PARD3B: variants seen among roughly 807,000 people sequenced by gnomAD.
PARD3B encodes par-3 family cell polarity regulator beta.
PARD3B carries 103 observed loss-of-function variants against 130.2 expected under a neutral mutation model. That is an observed-to-expected ratio of 0.79 (90% CI 0.67 to 0.93). The LOEUF is 0.93. Among genes scored for constraint, PARD3B ranks in the 40% least tolerant of loss-of-function variants. PARD3B has a pLI of 0.00. For synonymous variants in PARD3B, 583 were observed against 553.2 expected (o/e 1.05, Z -0.76); for missense variants, 1,609 against 1,499.2 (o/e 1.07, Z -1.21).
At chr2:204,763,537 A>T (rs376122170) in intron 2 of PARD3B, among the ~76,000 whole-genome samples, 1 of 152,222 alleles carries the variant, frequency 6.6e-6, no homozygotes, top group East Asian at 1.9e-4. Flanking sequence ...GGAAAAATGA[A>T]TATTAAAAAA....
intron 3 of PARD3B, among the ~76,000 whole-genome samples, chr2:205,019,849 G>A (rs1696464595): frequency 6.6e-6 from 1 of 152,158 alleles, no homozygotes; most frequent in Admixed American, 6.6e-5. Context: ...GTTGGTTAGA[G>A]AACTGTCTGA....
chr2:204,824,399 GT>G (rs1448788365), intron 2 of PARD3B, among the ~76,000 whole-genome samples: 2 of 152,148 alleles, frequency 1.3e-5, no homozygotes, highest in Non-Finnish European at 1.5e-5. Context: ...CTGCTTGCTA[GT>G]TCTGGGAACA....
At chr2:204,964,805 TTAATAAAG>T (rs1199357031) in intron 2 of PARD3B, among the ~76,000 whole-genome samples, 3 of 152,148 alleles carry the variant, frequency 2.0e-5, no homozygotes, top group African/African-American at 7.2e-5. Flanking sequence ...GAAGCACTCT[TTAATAAAG>T]AGTTAATGAA....
chr2:205,062,183 C>G (rs968729306), intron 4 of PARD3B, among the ~76,000 whole-genome samples: 7 of 151,986 alleles, frequency 4.6e-5, no homozygotes, highest in African/African-American at 1.7e-4. Flanking sequence ...TACTTCCAAG[C>G]AGAAGTGTAG....
Position 205,458,799 on chromosome 2 carries a change from C to T in PARD3B, c.3044+18127C>T, listed in dbSNP as rs944335872. 6.6e-6 allele frequency among the ~76,000 whole-genome samples: 1 copy of T among 152,096 alleles called. No homozygotes were observed. The highest frequency in any genetic ancestry group is 2.4e-5 in the African/African-American group (1 of 41,400). On this transcript the variant is annotated intron_variant, in intron 20 of 22. Coordinates refer to ENST00000406610, the MANE Select transcript of PARD3B (RefSeq NM_001302769.2). The surrounding 1 kb of genome is among the most constrained non-coding windows in gnomAD (Gnocchi z 4.8). Reference sequence around the variant, plus strand: ...AATGCTAGACACAGTCCTTGAAAAGCTGTAGAAATCTCAGGCTGATGATAC... The same window carrying T: ...AATGCTAGACACAGTCCTTGAAAAGTTGTAGAAATCTCAGGCTGATGATAC...
At chr2:205,384,044 C>T (rs1262509664) in intron 18 of PARD3B, among the ~76,000 whole-genome samples, 1 of 152,086 alleles carries the variant, frequency 6.6e-6, no homozygotes, top group Non-Finnish European at 1.5e-5. Context: ...CTCCCCTTAG[C>T]ACAGTTTACC....
chr2:204,964,412 A>G (rs756241036), intron 2 of PARD3B, among the ~76,000 whole-genome samples: 1 of 152,188 alleles, frequency 6.6e-6, no homozygotes, highest in Non-Finnish European at 1.5e-5. Flanking sequence ...GAAATGAACA[A>G]TTTAGAGTTT....
intron 2 of PARD3B, among the ~76,000 whole-genome samples, chr2:204,958,826 T>G (rs753702006): frequency 2.3e-4 from 35 of 152,232 alleles, no homozygotes; most frequent in Non-Finnish European, 3.8e-4. Flanking sequence ...CATAATAACC[T>G]TAGTGTTTTA....
intron 3 of PARD3B, among the ~76,000 whole-genome samples, chr2:205,028,600 G>A (rs1464831158): frequency 6.6e-6 from 1 of 152,078 alleles, no homozygotes; most frequent in Non-Finnish European, 1.5e-5. Flanking sequence ...TCCCTTCAGA[G>A]ACCTCTAAGA....
intron 15 of PARD3B, among the ~76,000 whole-genome samples, chr2:205,206,389 C>G (rs1241499351): frequency 6.8e-6 from 1 of 146,646 alleles, no homozygotes; most frequent in African/African-American, 2.5e-5. Flanking sequence ...ACAACAGTCC[C>G]CAGAGTGTGA....
chr2:204,766,288 A>G (rs1437108358), intron 2 of PARD3B, among the ~76,000 whole-genome samples: 1 of 152,232 alleles, frequency 6.6e-6, no homozygotes, highest in African/African-American at 2.4e-5. Context: ...TTTAAAATAC[A>G]TATCAGTACT....
chr2:205,178,396 T>C (rs1034703092), intron 13 of PARD3B, among the ~76,000 whole-genome samples: 4 of 151,922 alleles, frequency 2.6e-5, no homozygotes, highest in Non-Finnish European at 5.9e-5. Flanking sequence ...GAGCTTGCAG[T>C]GAGCCAAGAT....
intron 19 of PARD3B, among the ~76,000 whole-genome samples, chr2:205,404,148 C>T (rs2046343610): frequency 6.6e-6 from 1 of 152,154 alleles, no homozygotes; most frequent in South Asian, 2.1e-4. Flanking sequence ...ACAGTTGGCT[C>T]CATATCCACG....
At chr2:205,493,171 A>T (rs947009784) in intron 20 of PARD3B, among the ~76,000 whole-genome samples, 1 of 152,242 alleles carries the variant, frequency 6.6e-6, no homozygotes, top group East Asian at 1.9e-4. Context: ...TGAATGCCAT[A>T]GAATCTCAGG....
chr2:204,883,821 C>A (rs1280275062), intron 2 of PARD3B, among the ~76,000 whole-genome samples: 1 of 151,208 alleles, frequency 6.6e-6, no homozygotes, highest in South Asian at 2.1e-4. Context: ...CTCACTGCAA[C>A]CTCCACCTCT....
At chr2:204,807,411 CA>C (rs2042806526) in intron 2 of PARD3B, among the ~76,000 whole-genome samples, 1 of 152,094 alleles carries the variant, frequency 6.6e-6, no homozygotes, top group Non-Finnish European at 1.5e-5. Flanking sequence ...TAAATTAGTA[CA>C]ACCACTACGG....
At chr2:204,622,454 C>T (rs2034338790) in intron 1 of PARD3B, among the ~76,000 whole-genome samples, 1 of 152,078 alleles carries the variant, frequency 6.6e-6, no homozygotes. Flanking sequence ...GAATCAGAAA[C>T]TCTTTGAGAT....
At chr2:204,827,274 T>C (rs1002117339) in intron 2 of PARD3B, among the ~76,000 whole-genome samples, 1 of 151,916 alleles carries the variant, frequency 6.6e-6, no homozygotes, top group African/African-American at 2.4e-5. Context: ...TATAAGTTTT[T>C]GCAAATCAGT....
chr2:204,574,445 A>G lies in PARD3B; in HGVS notation c.120+28326A>G, dbSNP rs189527841. Among the ~76,000 whole-genome samples the G allele has an allele frequency of 2.6e-3, 397 of 152,264 alleles. 2 individuals are homozygous for G. The highest frequency in any genetic ancestry group is 9.4e-3 in the African/African-American group (390 of 41,554). ...CTTTGGGCAATTTGAATGTTCTTCTATTATGTAGATACTTAACATCTGTGA... is the reference window on the plus strand; with the variant it reads ...CTTTGGGCAATTTGAATGTTCTTCTGTTATGTAGATACTTAACATCTGTGA... On this transcript the variant is annotated intron_variant, in intron 1 of 22. Coordinates refer to ENST00000406610, the MANE Select transcript of PARD3B (RefSeq NM_001302769.2).
Sources: gnomAD v4.1 joint callset for allele counts (sites outside exome capture counted in the v4.1 genomes callset) on GRCh38, gnomAD v4.1.1 for gene constraint, Gnocchi (gnomAD v3.1) non-coding constraint, MANE v1.5 for transcripts, NCBI Gene and HGNC (gene_info 2026-07-23, HGNC 2026-07-21) for gene names.